MEIS2: variants seen among roughly 807,000 people sequenced by gnomAD.
The protein encoded by MEIS2 is Meis homeobox 2, also known as homeobox protein Meis2.
MEIS2 carries 9 observed loss-of-function variants against 58.6 expected under a neutral mutation model. That is an observed-to-expected ratio of 0.15 (90% CI 0.09 to 0.27). The LOEUF (loss-of-function observed/expected upper bound fraction) is 0.27. Among genes scored for constraint, MEIS2 ranks in the 10% least tolerant of loss-of-function variants. The pLI, the probability that MEIS2 is intolerant of heterozygous loss-of-function variation, is 1.00. For missense variants in MEIS2, 427 were observed against 635.0 expected (o/e 0.67, Z 3.52); for synonymous variants, 221 against 228.4 (o/e 0.97, Z 0.29).
chr15:37,072,869 G>T (rs1890893969), intron 7 of MEIS2, among the ~76,000 whole-genome samples: 1 of 150,532 alleles, frequency 6.6e-6, no homozygotes, highest in East Asian at 2.0e-4. Context: ...TCCGAATTTT[G>T]TGAAGACTTC....
intron 9 of MEIS2, chr15:36,901,148 A>T (rs923556536): frequency 2.6e-5 from 4 of 152,274 alleles, no homozygotes; most frequent in African/African-American, 4.8e-5. Flanking sequence ...TAGCTCAGTG[A>T]CCGGGGACCT....
At chr15:36,965,861 T>C (rs2059336863) in intron 8 of MEIS2, among the ~76,000 whole-genome samples, 1 of 152,194 alleles carries the variant, frequency 6.6e-6, no homozygotes, top group Non-Finnish European at 1.5e-5. Context: ...GAGCTCACTG[T>C]CATTCATTCT....
At chr15:36,949,607 C>T (rs1298463273) in intron 9 of MEIS2, among the ~76,000 whole-genome samples, 5 of 152,026 alleles carry the variant, frequency 3.3e-5, no homozygotes, top group African/African-American at 9.7e-5. Context: ...TTCAATTAAT[C>T]TGAACATCAC....
intron 8 of MEIS2, among the ~76,000 whole-genome samples, chr15:37,016,953 G>T (rs540408752): frequency 6.6e-6 from 1 of 152,122 alleles, no homozygotes; most frequent in Non-Finnish European, 1.5e-5. Context: ...AATTATAACC[G>T]GAAAGTATTC....
intron 9 of MEIS2, among the ~76,000 whole-genome samples, chr15:36,942,760 T>C (rs1237238379): frequency 1.3e-5 from 2 of 151,318 alleles, no homozygotes; most frequent in Non-Finnish European, 2.9e-5. Flanking sequence ...ATGGAAGAAA[T>C]GAGAAAAAAA....
intron 8 of MEIS2, among the ~76,000 whole-genome samples, chr15:36,987,219 G>A (rs935993296): frequency 6.6e-6 from 1 of 151,794 alleles, no homozygotes; most frequent in African/African-American, 2.4e-5. Flanking sequence ...ATGAGCCTGG[G>A]CAACATGGCA....
chr15:36,946,987 C>T (rs2058589832), intron 9 of MEIS2, among the ~76,000 whole-genome samples: 1 of 151,976 alleles, frequency 6.6e-6, no homozygotes, highest in Non-Finnish European at 1.5e-5. Flanking sequence ...TGGTTCGTTG[C>T]TATTCCTCTC....
At chr15:36,920,383 G>A (rs1311271623) in intron 9 of MEIS2, among the ~76,000 whole-genome samples, 2 of 152,164 alleles carry the variant, frequency 1.3e-5, no homozygotes, top group African/African-American at 4.8e-5. Context: ...CCGACCTCAG[G>A]TGATCCACCC....
chr15:36,996,001 A>ATGTGTGTGTGTGTGTGTGTGTG (rs1292078980), intron 8 of MEIS2, among the ~76,000 whole-genome samples: 15 of 102,894 alleles, frequency 1.5e-4, no homozygotes, highest in African/African-American at 4.9e-4. Flanking sequence ...ATATATATAT[A>ATGTGTGTGTGTGTGTGTGTGTG]TGTATATATA....
intron 8 of MEIS2, among the ~76,000 whole-genome samples, chr15:37,015,674 G>A (rs1175717867): frequency 1.3e-5 from 2 of 152,048 alleles, no homozygotes; most frequent in African/African-American, 2.4e-5. Flanking sequence ...AGGAAAGGAG[G>A]AGCAATGGCA....
Position 37,073,307 on chromosome 15 carries a change from C to T in MEIS2, c.754+10464G>A, listed in dbSNP as rs186355931. Among the ~76,000 whole-genome samples the T allele has an allele frequency of 5.5e-3, 831 of 152,034 alleles. 29 individuals carry two copies. The highest frequency in any genetic ancestry group is 0.046 in the Admixed American group (697 of 15,246). ...CAGATCCACCTGCTTCCAAAACTGC[C>T]GTTTAATCTGCAACAAGCTCCCCCT... On this transcript the variant is annotated intron_variant, in intron 7 of 11. Transcript: ENST00000561208.
At chr15:36,908,766 C>T (rs2056862410) in intron 9 of MEIS2, among the ~76,000 whole-genome samples, 1 of 151,624 alleles carries the variant, frequency 6.6e-6, no homozygotes, top group African/African-American at 2.4e-5. Context: ...GAAACCCCGT[C>T]TCTACTAAAA....
At chr15:36,926,124 A>C (rs2057736285) in intron 9 of MEIS2, among the ~76,000 whole-genome samples, 1 of 149,880 alleles carries the variant, frequency 6.7e-6, no homozygotes, top group African/African-American at 2.5e-5. Context: ...TTGCATGCAT[A>C]TTTCTGGAAA....
At chr15:36,978,607 G>A (rs776350755) in intron 8 of MEIS2, among the ~76,000 whole-genome samples, 11 of 152,140 alleles carry the variant, frequency 7.2e-5, no homozygotes, top group East Asian at 3.8e-4. Flanking sequence ...AACAAATTAA[G>A]TCTCAAATAA....
intron 8 of MEIS2, among the ~76,000 whole-genome samples, chr15:36,986,665 C>A (rs916989953): frequency 6.6e-6 from 1 of 152,152 alleles, no homozygotes; most frequent in African/African-American, 2.4e-5. Flanking sequence ...CTCAGAGGAC[C>A]GAGTCCCAAC....
intron 7 of MEIS2, among the ~76,000 whole-genome samples, chr15:37,065,563 T>G (rs991243539): frequency 5.3e-5 from 8 of 152,272 alleles, no homozygotes; most frequent in Admixed American, 1.3e-4. Flanking sequence ...TTTTACTGCT[T>G]CAATATTTCA....
intron 9 of MEIS2, among the ~76,000 whole-genome samples, chr15:36,931,547 C>T (rs1245649224): frequency 6.6e-6 from 1 of 152,158 alleles, no homozygotes; most frequent in African/African-American, 2.4e-5. Context: ...TTAGAAGCCA[C>T]AAAGCACTTC....
At chr15:36,973,973 A>C (rs1202307444) in intron 8 of MEIS2, among the ~76,000 whole-genome samples, 1 of 152,210 alleles carries the variant, frequency 6.6e-6, no homozygotes, top group Non-Finnish European at 1.5e-5. Flanking sequence ...GCAATATTTC[A>C]CATCAATTTC....
intron 9 of MEIS2, among the ~76,000 whole-genome samples, chr15:36,937,846 G>A (rs541494477): frequency 2.6e-4 from 40 of 152,246 alleles, no homozygotes; most frequent in African/African-American, 8.7e-4. Flanking sequence ...AAAATTGGGG[G>A]TTGTCTATTT....
Sources: allele counts gnomAD v4.1 joint callset (sites outside exome capture counted in the v4.1 genomes callset), GRCh38; gene constraint gnomAD v4.1.1; transcripts MANE v1.5; gene names NCBI Gene and HGNC (gene_info 2026-07-23, HGNC 2026-07-21).